The following KIAA1217 variants were observed in gnomAD, a reference collection of about 807,000 sequenced individuals.
KIAA1217 encodes sickle tail protein homolog.
A neutral mutation model predicts 163.9 loss-of-function variants in KIAA1217; 88 were observed. The observed-to-expected ratio is 0.54, with a 90% CI of 0.45 to 0.64. The LOEUF is 0.64. Ranked by LOEUF, KIAA1217 falls within the 30% of genes least tolerant of loss-of-function variation. The pLI is 0.00. For missense variants in KIAA1217, 2,372 were observed against 2,475.0 expected (o/e 0.96, Z 0.88); for synonymous variants, 903 against 923.1 (o/e 0.98, Z 0.39).
rs1212629699 is a variant in KIAA1217, at chr10:24,437,847, T to TG, written c.753-539_753-538insG. Among the ~76,000 whole-genome samples the TG allele has an allele frequency of 2.0e-5, 3 of 149,120 alleles. No homozygotes were observed. In the East Asian group the frequency reaches 5.8e-4, roughly 29 times the overall value. ...ATATTAGATCTTTTTGGTACTGTTT[T>TG]TTTTTTTTTTTCTGGACTCCAGATA... On this transcript the variant is annotated intron_variant, in intron 4 of 20. Coordinates refer to ENST00000376454, the MANE Select transcript of KIAA1217 (RefSeq NM_019590.5).
At chr10:24,361,982 C>CAAAAAA (rs68117028) in intron 2 of KIAA1217, among the ~76,000 whole-genome samples, 9 of 100,544 alleles carry the variant, frequency 9.0e-5, no homozygotes, top group East Asian at 2.6e-4. Flanking sequence ...GACTCTGTCT[C>CAAAAAA]AAAAAAAAAA....
At chr10:24,177,293 ATATATT>A (rs879437907) in intron 2 of KIAA1217, among the ~76,000 whole-genome samples, 1,665 of 70,054 alleles carry the variant, frequency 0.024, 98 homozygotes, top group South Asian at 0.038. Flanking sequence ...ATATATATAT[ATATATT>A]ACAATTTCTT....
At position 24,399,848 on chromosome 10, in the gene KIAA1217, TATA is replaced by T. The variant is rs775868683; in HGVS notation, c.553+18789_553+18791del. Among the ~76,000 whole-genome samples, 8 of 152,026 alleles carry T rather than the reference TATA, an allele frequency of 5.3e-5. No individual in the cohort carries two copies. The East Asian group carries it at 1.5e-3, about 29-fold the overall frequency. ...AAACACGTAGCGACCCAGGATGAAA[TATA>T]ATAATAACAAAAAAATAATAATAAT... On this transcript the variant is annotated intron_variant, in intron 3 of 20. Transcript: ENST00000376454.
At chr10:24,239,511 T>A (rs759657751) in intron 2 of KIAA1217, among the ~76,000 whole-genome samples, 221 of 130,532 alleles carry the variant, frequency 1.7e-3, no homozygotes, top group East Asian at 2.4e-3. Context: ...TTTTTTTTTT[T>A]ATTGAATGAA....
At chr10:23,994,703 A>G (rs138868579) in intron 1 of KIAA1217, among the ~76,000 whole-genome samples, 2 of 151,256 alleles carry the variant, frequency 1.3e-5, no homozygotes, top group African/African-American at 4.9e-5. Context: ...CATCTTGACC[A>G]AAGTCAAATC....
At chr10:24,273,230 A>G (rs1205944151) in intron 2 of KIAA1217, among the ~76,000 whole-genome samples, 1 of 152,232 alleles carries the variant, frequency 6.6e-6, no homozygotes, top group Non-Finnish European at 1.5e-5. Flanking sequence ...TATGGTTACT[A>G]TCAAGAGATC....
At chr10:23,881,177 A>G (rs1840934426) in intron 1 of KIAA1217, among the ~76,000 whole-genome samples, 1 of 151,948 alleles carries the variant, frequency 6.6e-6, no homozygotes, top group African/African-American at 2.4e-5. Context: ...TGAAAGGTAA[A>G]CACATTTCTT....
intron 5 of KIAA1217, among the ~76,000 whole-genome samples, chr10:24,440,739 C>T (rs1008511397): frequency 6.6e-6 from 1 of 152,126 alleles, no homozygotes; most frequent in African/African-American, 2.4e-5. Context: ...ATCATTGTCC[C>T]CAAATGAAGG....
chr10:24,037,633 A>G (rs1848451415), intron 2 of KIAA1217, among the ~76,000 whole-genome samples: 1 of 152,232 alleles, frequency 6.6e-6, no homozygotes, highest in Admixed American at 6.5e-5. Flanking sequence ...TGATCACAGG[A>G]GACAGATTGT....
intron 1 of KIAA1217, among the ~76,000 whole-genome samples, chr10:23,711,875 G>A (rs1484076299): frequency 6.6e-6 from 1 of 152,146 alleles, no homozygotes; most frequent in African/African-American, 2.4e-5. Flanking sequence ...CTTGAAGGAT[G>A]GGAAACGAAG....
intron 3 of KIAA1217, among the ~76,000 whole-genome samples, chr10:24,392,985 G>C (rs747904008): frequency 1.3e-5 from 2 of 151,834 alleles, no homozygotes; most frequent in Non-Finnish European, 2.9e-5. Flanking sequence ...TTTTTTGAAA[G>C]CTAATTTTCA....
intron 1 of KIAA1217, among the ~76,000 whole-genome samples, chr10:23,906,136 C>G (rs1261958236): frequency 3.3e-5 from 5 of 152,002 alleles, no homozygotes; most frequent in African/African-American, 1.2e-4. Context: ...AGGGCAGAGC[C>G]TTATGGGCTA....
chr10:24,386,805 C>G (rs1210950634), intron 3 of KIAA1217, among the ~76,000 whole-genome samples: 1 of 152,044 alleles, frequency 6.6e-6, no homozygotes, highest in Non-Finnish European at 1.5e-5. Context: ...TCTCAAACAC[C>G]TGGCCTCAAG....
chr10:24,363,556 G>GGC (rs1564541642), intron 2 of KIAA1217, among the ~76,000 whole-genome samples: 2 of 78,438 alleles, frequency 2.5e-5, no homozygotes. Context: ...TTTTTTGTGG[G>GGC]TTTTGTTTTT....
chr10:24,265,473 C>G (rs1359500552), intron 2 of KIAA1217, among the ~76,000 whole-genome samples: 2 of 152,146 alleles, frequency 1.3e-5, no homozygotes, highest in African/African-American at 2.4e-5. Flanking sequence ...TCTTGGCTTG[C>G]TTTCTTAGCT....
chr10:23,844,596 TCTC>T (rs745393255), intron 1 of KIAA1217, among the ~76,000 whole-genome samples: 7 of 152,148 alleles, frequency 4.6e-5, no homozygotes, highest in South Asian at 2.1e-4. Flanking sequence ...GATACCATAT[TCTC>T]CTGGTTTTCT....
intron 2 of KIAA1217, among the ~76,000 whole-genome samples, chr10:24,106,320 T>C (rs1039288689): frequency 2.0e-5 from 3 of 152,118 alleles, no homozygotes; most frequent in African/African-American, 7.2e-5. Context: ...TGATCAGTTG[T>C]ACAGGACTTC....
chr10:23,809,307 A>T (rs189472703), intron 1 of KIAA1217, among the ~76,000 whole-genome samples: 1 of 152,156 alleles, frequency 6.6e-6, no homozygotes, highest in East Asian at 1.9e-4. Flanking sequence ...GGGGGAGAGA[A>T]TTGAGTCCTT....
intron 1 of KIAA1217, among the ~76,000 whole-genome samples, chr10:23,726,624 G>A (rs1248157439): frequency 6.6e-6 from 1 of 151,996 alleles, no homozygotes; most frequent in Non-Finnish European, 1.5e-5. Flanking sequence ...GCAACCTACA[G>A]AATGGGAGAA....
Sources: gnomAD v4.1 joint callset for allele counts (sites outside exome capture counted in the v4.1 genomes callset) on GRCh38, gnomAD v4.1.1 for gene constraint, MANE v1.5 for transcripts, NCBI Gene and HGNC (gene_info 2026-07-23, HGNC 2026-07-21) for gene names.